The following WDHD1 variants were observed in gnomAD, a reference collection of about 807,000 sequenced individuals.
The protein encoded by WDHD1 is WD repeat and HMG-box DNA-binding protein 1.
In WDHD1, 111 loss-of-function variants were observed where a neutral mutation model predicts 135.4. The observed-to-expected ratio is 0.82, with a 90% CI of 0.70 to 0.96. WDHD1 has a LOEUF of 0.96. WDHD1 is among the 40% of genes least tolerant of loss of function. The pLI is 0.00. For missense variants in WDHD1, 1,351 were observed against 1,336.3 expected (o/e 1.01, Z -0.17); for synonymous variants, 434 against 439.0 (o/e 0.99, Z 0.14).
chr14:54,994,694 G>C (rs571115748), intron 11 of WDHD1, among the ~76,000 whole-genome samples: 1 of 151,236 alleles, frequency 6.6e-6, no homozygotes, highest in African/African-American at 2.4e-5. Context: ...CCAGGAGGCG[G>C]AGGTTGCAGT....
intron 16 of WDHD1, among the ~76,000 whole-genome samples, chr14:54,972,580 AAAAAAAAAAAT>A (rs1595081314): frequency 1.5e-5 from 2 of 129,152 alleles, no homozygotes; most frequent in African/African-American, 7.9e-5. Flanking sequence ...AAAAAAAAAA[AAAAAAAAAAAT>A]GCCAATGAGG....
At position 55,000,881 on chromosome 14, in the gene WDHD1, C is replaced by A; in HGVS notation, c.800+5G>T. On this transcript the variant is annotated splice_donor_5th_base_variant and intron_variant, in intron 9 of 25. Coordinates refer to ENST00000360586, the MANE Select transcript of WDHD1 (RefSeq NM_007086.4). The stretch of plus-strand genomic sequence containing the variant: ...AGAAGAGACAAAAGATACACTAAAT[C>A]ATACCTTTCCATGCAGTCTTTGGTT... 6.5e-7 allele frequency: 1 copy of A among 1,540,108 alleles called. No homozygotes were observed. Among genetic ancestry groups the A allele is most frequent in the Non-Finnish European group, 8.7e-7 (1 of 1,142,952 alleles).
At chr14:54,956,622 A>G (rs1005879243) in intron 23 of WDHD1, among the ~76,000 whole-genome samples, 4 of 152,174 alleles carry the variant, frequency 2.6e-5, no homozygotes, top group Non-Finnish European at 5.9e-5. Flanking sequence ...AGCCTGGGTG[A>G]CAGAGTGAGC....
chr14:54,979,220 T>C (rs1335648464), intron 16 of WDHD1, among the ~76,000 whole-genome samples: 2 of 152,164 alleles, frequency 1.3e-5, no homozygotes, highest in Admixed American at 1.3e-4. Context: ...GGTGTGATCA[T>C]GACTCACTGT....
At position 55,002,101 on chromosome 14, in the gene WDHD1, T is replaced by A. The variant is rs375849616; in HGVS notation, c.685A>T (p.Ile229Phe). Residue 229 changes from isoleucine (I) to phenylalanine (F), a missense_variant, in exon 8 of 26, where the codon ATC (isoleucine) becomes TTC (phenylalanine). Ile to Phe is a conservative substitution (Grantham distance 21). Around this residue, in one of 2 missense-constraint regions of WDHD1, gnomAD observed 1,330 missense variants for 1,296.1 expected, o/e 1.03. Transcript: ENST00000360586. ...SHQFDLSDNF[I>F]SQTLNIVTWS... Reference sequence around the variant, plus strand: ...CACTTTGTAAAACCTACCTGAGAGATGAAATTATCTGAAAGATCAAATTGA... The same window carrying A: ...CACTTTGTAAAACCTACCTGAGAGAAGAAATTATCTGAAAGATCAAATTGA... The A allele has an allele frequency of 6.2e-7, 1 of 1,604,028 alleles. No homozygotes were observed. The highest frequency in any genetic ancestry group is 8.5e-7 in the Non-Finnish European group (1 of 1,176,230).
chr14:54,988,201 G>GTGAC (rs1222005139), intron 13 of WDHD1, among the ~76,000 whole-genome samples: 3 of 151,398 alleles, frequency 2.0e-5, no homozygotes, highest in South Asian at 4.2e-4. Context: ...AAGCAAACGG[G>GTGAC]TGACTAGTAC....
At chr14:55,007,417 C>G (rs1371195758) in intron 6 of WDHD1, 42 bp from the exon 7 acceptor site, 2 of 1,398,384 alleles carry the variant, frequency 1.4e-6, no homozygotes, top group Admixed American at 2.1e-5. Flanking sequence ...TTATGAAAAT[C>G]CCCCCCAAAA....
intron 7 of WDHD1, chr14:55,005,222 T>A: frequency 1.9e-6 from 1 of 539,192 alleles, no homozygotes; most frequent in East Asian, 4.8e-5. Flanking sequence ...AGTGTCCACA[T>A]AGCACAGAGG....
chr14:55,001,969 G>A, intron 8 of WDHD1, 124 bp downstream of exon 8: 1 of 678,676 alleles, frequency 1.5e-6, no homozygotes, highest in Non-Finnish European at 2.6e-6. Flanking sequence ...TTAGAAGATG[G>A]ACCACATACA....
intron 24 of WDHD1, among the ~76,000 whole-genome samples, chr14:54,945,478 C>T (rs930503978): frequency 6.6e-6 from 1 of 152,126 alleles, no homozygotes; most frequent in Non-Finnish European, 1.5e-5. Flanking sequence ...AATAACCTAT[C>T]CCAGGTTACA....
chr14:55,024,159 T>C (rs1057197926), intron 2 of WDHD1, among the ~76,000 whole-genome samples: 1 of 152,252 alleles, frequency 6.6e-6, no homozygotes, highest in Admixed American at 6.5e-5. Flanking sequence ...TTCAAATTCA[T>C]GTTAAGGGTC....
Position 55,021,693 on chromosome 14 carries a change from C to T in WDHD1, c.77+5018G>A, listed in dbSNP as rs115650875. On this transcript the variant is annotated intron_variant, in intron 2 of 25. Coordinates refer to ENST00000360586, the MANE Select transcript of WDHD1 (RefSeq NM_007086.4). ...GAGCCACCGCGCCCAGCCATGTCTG[C>T]TACCTCTTGAATGTCTCCAAGGTCT... Among the ~76,000 whole-genome samples, 1,030 of 152,244 alleles carry T rather than the reference C, an allele frequency of 6.8e-3. 12 individuals carry two copies. Among genetic ancestry groups the T allele is most frequent in the African/African-American group, 0.024 (977 of 41,548 alleles).
intron 24 of WDHD1, among the ~76,000 whole-genome samples, chr14:54,949,203 C>T (rs1190373945): frequency 3.3e-5 from 5 of 152,078 alleles, no homozygotes; most frequent in African/African-American, 7.2e-5. Flanking sequence ...CAAACCTCTC[C>T]GAGCTAAAGG....
intron 16 of WDHD1, among the ~76,000 whole-genome samples, chr14:54,975,721 C>T (rs969700209): frequency 6.6e-5 from 10 of 150,422 alleles, no homozygotes; most frequent in Non-Finnish European, 1.3e-4. Flanking sequence ...TTTAAAGAGA[C>T]GGGGTTTTGC....
At chr14:55,022,779 G>C (rs373693701) in intron 2 of WDHD1, among the ~76,000 whole-genome samples, 6 of 151,054 alleles carry the variant, frequency 4.0e-5, no homozygotes, top group African/African-American at 1.5e-4. Context: ...GCTGTCTCTT[G>C]GTCAGCAGAA....
At chr14:54,998,809 A>T (rs2041930748) in intron 10 of WDHD1, among the ~76,000 whole-genome samples, 1 of 152,174 alleles carries the variant, frequency 6.6e-6, no homozygotes, top group South Asian at 2.1e-4. Context: ...TTCAATCAAT[A>T]TACAGTATTT....
At chr14:54,961,105 A>G (rs1442947443) in intron 21 of WDHD1, among the ~76,000 whole-genome samples, 5 of 152,130 alleles carry the variant, frequency 3.3e-5, no homozygotes, top group Non-Finnish European at 7.4e-5. Context: ...ACACCTGGCC[A>G]GTAGTCTATT....
intron 24 of WDHD1, among the ~76,000 whole-genome samples, chr14:54,952,405 G>A: frequency 1.3e-5 from 2 of 152,122 alleles, no homozygotes. Context: ...GCTTCAAAGA[G>A]AATAAAATAC....
chr14:55,025,374 T>A (rs1263120179), intron 2 of WDHD1, among the ~76,000 whole-genome samples: 1 of 151,740 alleles, frequency 6.6e-6, no homozygotes, highest in Non-Finnish European at 1.5e-5. Flanking sequence ...CTCCATATGC[T>A]GAACGCTGGT....
Sources: gnomAD v4.1 joint callset for allele counts (sites outside exome capture counted in the v4.1 genomes callset) on GRCh38, gnomAD v4.1.1 for gene constraint, gnomAD v4.1.1 regional missense constraint, MANE v1.5 for transcripts, NCBI Gene and HGNC (gene_info 2026-07-23, HGNC 2026-07-21) for gene names.